The following IRAK4 variants were observed in gnomAD, a reference collection of about 807,000 sequenced individuals.
IRAK4 encodes the protein interleukin 1 receptor associated kinase 4.
IRAK4 carries 44 observed loss-of-function variants against 51.8 expected under a neutral mutation model. The observed-to-expected ratio is 0.85, with a 90% CI of 0.67 to 1.09. The LOEUF (loss-of-function observed/expected upper bound fraction) is 1.09. Among genes scored for constraint, IRAK4 ranks in the 50% least tolerant of loss-of-function variants. The probability of loss-of-function intolerance (pLI) is 0.00; values close to 1 mark genes in which losing one functional copy is unlikely to be tolerated. For synonymous variants in IRAK4, 149 were observed against 174.1 expected (o/e 0.86, Z 1.13); for missense variants, 487 against 538.0 (o/e 0.91, Z 0.94).
rs1205715377 is a variant in IRAK4, at chr12:43,768,237, A to G, written c.126A>G (p.Pro42=). ...WKKLAVAIKK[P]SGDDRYNQFH... is the part of the protein sequence containing the mutation. ...AGTTAGCTGTAGCTATTAAAAAACC[A>G]TCTGGTGATGATAGATACAATCAGT... Residue 42 remains proline, a synonymous_variant, in exon 2 of 12, where the codon CCA becomes CCG. Transcript: ENST00000613694. 7 of 1,612,860 alleles carry G rather than the reference A, an allele frequency of 4.3e-6. No individual in the cohort carries two copies. The highest frequency in any genetic ancestry group is 5.1e-6 in the Non-Finnish European group (6 of 1,179,240).
At chr12:43,765,802 A>G (rs1437458850) in intron 1 of IRAK4, among the ~76,000 whole-genome samples, 1 of 151,354 alleles carries the variant, frequency 6.6e-6, no homozygotes, top group Non-Finnish European at 1.5e-5. Context: ...AGGCTCCTAG[A>G]TAGTGCCAAA....
At chr12:43,780,340 G>A (rs142866968) in intron 8 of IRAK4, among the ~76,000 whole-genome samples, 6 of 152,012 alleles carry the variant, frequency 3.9e-5, no homozygotes. Flanking sequence ...TTTTAAGCTG[G>A]CAGAGATTAA....
At chr12:43,759,044 G>A (rs1321647034) in intron 1 of IRAK4, 28 bp downstream of exon 1, 15 of 152,180 alleles carry the variant, frequency 9.9e-5, no homozygotes, top group Admixed American at 9.8e-4. Flanking sequence ...TTAATGCCTC[G>A]GTCAAACGTC....
intron 8 of IRAK4, 53 bp downstream of exon 8, chr12:43,778,355 G>T (rs1385953403): frequency 1.0e-6 from 1 of 983,162 alleles, no homozygotes; most frequent in African/African-American, 1.6e-5. Flanking sequence ...AGAATAATTT[G>T]CTGTCACTCT....
In IRAK4 at chr12:43,777,610, T is replaced by C; in HGVS notation, c.717-20T>C. 1 of 1,591,444 alleles carries C rather than the reference T, an allele frequency of 6.3e-7. No homozygotes were observed. Among genetic ancestry groups the C allele is most frequent in the Non-Finnish European group, 8.6e-7 (1 of 1,167,762 alleles). On this transcript the variant is annotated intron_variant, in intron 6 of 11. Coordinates refer to ENST00000613694, the MANE Select transcript of IRAK4 (RefSeq NM_016123.4). ...ATATATTTATTATAATAATTTTGCA[T>C]GAAAAATTATTTGTCACAGGTGTCA... is the stretch of plus-strand genomic sequence containing the variant.
intron 7 of IRAK4, 63 bp from the exon 8 acceptor site, chr12:43,778,130 T>C (rs1941452585): frequency 1.0e-6 from 1 of 956,516 alleles, no homozygotes; most frequent in African/African-American, 1.6e-5. Flanking sequence ...TTCTGTGTTA[T>C]ATATTCTCTG....
At chr12:43,759,694 C>A (rs1409003854) in intron 1 of IRAK4, 3 of 152,244 alleles carry the variant, frequency 2.0e-5, no homozygotes, top group African/African-American at 7.3e-5. Context: ...CATGGTGAAA[C>A]CCCTGTCTCT....
intron 6 of IRAK4, 84 bp from the exon 7 acceptor site, chr12:43,777,546 C>A: frequency 7.8e-7 from 1 of 1,275,300 alleles, no homozygotes; most frequent in Admixed American, 2.8e-5. Context: ...CTCTTTTTTT[C>A]TATTAAAACT....
intron 6 of IRAK4, among the ~76,000 whole-genome samples, chr12:43,776,057 T>C (rs1565675916): frequency 1.3e-5 from 2 of 151,912 alleles, no homozygotes; most frequent in African/African-American, 2.4e-5. Flanking sequence ...AATTTTGTTT[T>C]TGTATTTTTA....
At chr12:43,779,074 T>C (rs1222210560) in intron 8 of IRAK4, among the ~76,000 whole-genome samples, 1 of 152,082 alleles carries the variant, frequency 6.6e-6, no homozygotes, top group African/African-American at 2.4e-5. Context: ...CCTGACTATG[T>C]TCCCTGAACA....
chr12:43,771,425 T>C, intron 3 of IRAK4, 60 bp downstream of exon 3: 1 of 1,543,380 alleles, frequency 6.5e-7, no homozygotes, highest in East Asian at 2.2e-5. Flanking sequence ...GGCAGAAATA[T>C]AAATGTTTCT....
intron 8 of IRAK4, among the ~76,000 whole-genome samples, chr12:43,778,963 A>G (rs1941538678): frequency 6.6e-6 from 1 of 152,274 alleles, no homozygotes; most frequent in Middle Eastern, 3.4e-3. Context: ...CATTTGTAAG[A>G]CCAGTGGTGA....
At chr12:43,785,414 G>A (rs1423279784) in intron 10 of IRAK4, among the ~76,000 whole-genome samples, 2 of 151,606 alleles carry the variant, frequency 1.3e-5, no homozygotes, top group African/African-American at 2.4e-5. Context: ...TTGGGTACAG[G>A]GAGGAGGAGT....
rs754909207 is a variant in IRAK4 at position 43,786,601 on chromosome 12, TTCA to T, written c.1347+49_1347+51del. 11 of 1,606,832 alleles carry T rather than the reference TTCA, an allele frequency of 6.8e-6. No individual in the cohort carries two copies. The African/African-American group carries it at 1.3e-4, about 20-fold the overall frequency. On this transcript the variant is annotated intron_variant, in intron 11 of 11. Transcript: ENST00000613694. ...TATTTAAAAAGTGAAAGGGGTGGGG[TTCA>T]TCATATTTTCCAGAGTGTATATTTT...
chr12:43,763,940 G>GT (rs1404488916), intron 1 of IRAK4, among the ~76,000 whole-genome samples: 1 of 151,870 alleles, frequency 6.6e-6, no homozygotes, highest in African/African-American at 2.4e-5. Context: ...TACCATCCTG[G>GT]TTTTTTTCTT....
intron 6 of IRAK4, among the ~76,000 whole-genome samples, chr12:43,776,920 C>T (rs1941328193): frequency 1.3e-5 from 2 of 152,148 alleles, no homozygotes; most frequent in Admixed American, 6.5e-5. Flanking sequence ...TAAATCAGTG[C>T]TTTGAGTGTG....
chr12:43,780,215 T>C (rs1435752676), intron 8 of IRAK4, among the ~76,000 whole-genome samples: 2 of 152,152 alleles, frequency 1.3e-5, no homozygotes, highest in African/African-American at 2.4e-5. Context: ...AGAAATCACA[T>C]TGTAGTTGAG....
At chr12:43,768,361 T>C in intron 2 of IRAK4, 89 bp downstream of exon 2, 1 of 989,994 alleles carries the variant, frequency 1.0e-6, no homozygotes, top group Non-Finnish European at 1.5e-6. Flanking sequence ...TGTGGCAGTT[T>C]AGAAAGTAAA....
intron 1 of IRAK4, among the ~76,000 whole-genome samples, chr12:43,766,183 C>T (rs981970878): frequency 1.3e-5 from 2 of 152,182 alleles, no homozygotes; most frequent in African/African-American, 2.4e-5. Context: ...ACATGATGAT[C>T]TGGCCCTGCT....
Sources: allele counts gnomAD v4.1 joint callset (sites outside exome capture counted in the v4.1 genomes callset), GRCh38; gene constraint gnomAD v4.1.1; transcripts MANE v1.5; gene names NCBI Gene and HGNC (gene_info 2026-07-23, HGNC 2026-07-21).